PALLD: variants seen among roughly 807,000 people sequenced by gnomAD.
The protein encoded by PALLD is palladin, cytoskeletal associated protein.
A neutral mutation model predicts 123.5 loss-of-function variants in PALLD; 61 were observed. The observed-to-expected ratio is 0.49, with a 90% CI of 0.40 to 0.61. The LOEUF (loss-of-function observed/expected upper bound fraction) is 0.61. Ranked by LOEUF, PALLD falls within the 20% of genes least tolerant of loss-of-function variation. PALLD has a pLI of 0.00. For synonymous variants in PALLD, 465 were observed against 496.4 expected (o/e 0.94, Z 0.84); for missense variants, 1,273 against 1,377.0 (o/e 0.92, Z 1.20).
intron 10 of PALLD, among the ~76,000 whole-genome samples, chr4:168,715,794 C>T (rs1020203119): frequency 1.3e-5 from 2 of 152,034 alleles, no homozygotes; most frequent in Non-Finnish European, 1.5e-5. Flanking sequence ...TCTAAAGATA[C>T]AAAAAATTAG....
chr4:168,507,235 T>C (rs577564489), intron 1 of PALLD: 2 of 169,678 alleles, frequency 1.2e-5, no homozygotes, highest in East Asian at 1.2e-4. Flanking sequence ...AGTCATCTGG[T>C]TGTTGAGGTG....
chr4:168,776,518 G>A (rs576933669), intron 10 of PALLD, among the ~76,000 whole-genome samples: 2 of 152,240 alleles, frequency 1.3e-5, no homozygotes, highest in South Asian at 4.1e-4. Context: ...TATTGCAATG[G>A]CCAAAGCCTT....
chr4:168,888,219 G>T (rs1753642400), intron 10 of PALLD, among the ~76,000 whole-genome samples: 1 of 152,174 alleles, frequency 6.6e-6, no homozygotes, highest in Non-Finnish European at 1.5e-5. Context: ...ATATCAAAAT[G>T]AGTTTGTAAA....
intron 2 of PALLD, among the ~76,000 whole-genome samples, chr4:168,542,947 C>G (rs1765784811): frequency 6.6e-6 from 1 of 151,704 alleles, no homozygotes; most frequent in Non-Finnish European, 1.5e-5. Flanking sequence ...CCTGGCTCCT[C>G]AGACCTCTGC....
intron 10 of PALLD, among the ~76,000 whole-genome samples, chr4:168,768,001 G>A (rs578177343): frequency 3.5e-4 from 54 of 152,180 alleles, no homozygotes; most frequent in African/African-American, 1.3e-3. Flanking sequence ...CTCCCTGTAA[G>A]CTCCTAGAAT....
Position 168,572,895 on chromosome 4 carries a change from C to CCAA in PALLD, c.908+60488_908+60490dup, listed in dbSNP as rs147801262. Reference sequence around the variant, plus strand: ...TAAATCTGATCCAGACATCAGCCTGCCAACAACCCACCAGCACAGGTGGTT... The same window carrying CCAA: ...TAAATCTGATCCAGACATCAGCCTGCCAACAACAACCCACCAGCACAGGTGGTT... On this transcript the variant is annotated intron_variant, in intron 2 of 21. Coordinates refer to ENST00000505667, the MANE Select transcript of PALLD (RefSeq NM_001166108.2). Among the ~76,000 whole-genome samples the CCAA allele has an allele frequency of 9.8e-4, 147 of 149,950 alleles. No individual in the cohort carries two copies. The East Asian group carries it at 0.014, about 15-fold the overall frequency.
intron 18 of PALLD, among the ~76,000 whole-genome samples, chr4:168,923,633 T>C (rs1415817187): frequency 1.3e-5 from 2 of 152,180 alleles, no homozygotes; most frequent in Non-Finnish European, 2.9e-5. Context: ...ATAAAGCTTT[T>C]TTATAACCTT....
chr4:168,752,064 A>T (rs1731133022), intron 10 of PALLD, among the ~76,000 whole-genome samples: 1 of 152,222 alleles, frequency 6.6e-6, no homozygotes, highest in Non-Finnish European at 1.5e-5. Context: ...AATTCACAAG[A>T]TCAGGCTCAA....
At chr4:168,795,758 G>T (rs1738404698) in intron 10 of PALLD, among the ~76,000 whole-genome samples, 2 of 150,654 alleles carry the variant, frequency 1.3e-5, no homozygotes, top group Admixed American at 6.6e-5. Context: ...CCCAGGCTGG[G>T]GTGCAGTTGT....
chr4:168,636,397 A>G (rs1406693260), intron 2 of PALLD, among the ~76,000 whole-genome samples: 1 of 152,200 alleles, frequency 6.6e-6, no homozygotes, highest in East Asian at 1.9e-4. Flanking sequence ...AGGCGAGAAG[A>G]TCGCTTGAGC....
intron 2 of PALLD, among the ~76,000 whole-genome samples, chr4:168,589,504 T>C (rs1391772149): frequency 6.8e-6 from 1 of 148,032 alleles, no homozygotes; most frequent in Admixed American, 6.8e-5. Flanking sequence ...AAATCTTTCC[T>C]GGGATAACCC....
rs561315607 is a variant in PALLD, at chr4:168,617,475, A to G, written c.909-50715A>G. On this transcript the variant is annotated intron_variant, in intron 2 of 21. Coordinates refer to ENST00000505667, the MANE Select transcript of PALLD (RefSeq NM_001166108.2). ...ATGCTTGCAGATTCACAGCCTTTGC[A>G]GCTCCTGGGTCACCAGAACAAGACT... 2.0e-5 allele frequency among the ~76,000 whole-genome samples: 3 copies of G among 152,318 alleles called. No homozygotes were observed. In the South Asian group the frequency reaches 6.2e-4, roughly 32 times the overall value.
intron 10 of PALLD, among the ~76,000 whole-genome samples, chr4:168,765,300 G>A (rs575286932): frequency 6.6e-6 from 1 of 152,322 alleles, no homozygotes; most frequent in South Asian, 2.1e-4. Context: ...AAGAAGAGGA[G>A]AAAATTGCTA....
Position 168,603,516 on chromosome 4 carries a change from A to T in PALLD, c.909-64674A>T, listed in dbSNP as rs539350567. 7.2e-3 allele frequency among the ~76,000 whole-genome samples: 1,104 copies of T among 152,290 alleles called. 11 individuals are homozygous for T. The highest frequency in any genetic ancestry group is 0.025 in the African/African-American group (1,039 of 41,562). ...CATTTAATAACTTCAGGAAAGACCT[A>T]TTTTTCAAAATTCAGAAAAGTACAG... On this transcript the variant is annotated intron_variant, in intron 2 of 21. Coordinates refer to ENST00000505667, the MANE Select transcript of PALLD (RefSeq NM_001166108.2).
At chr4:168,728,687 C>G (rs537304678) in intron 10 of PALLD, among the ~76,000 whole-genome samples, 1 of 151,950 alleles carries the variant, frequency 6.6e-6, no homozygotes, top group Non-Finnish European at 1.5e-5. Flanking sequence ...TTTTGGATGC[C>G]TTTTATTTCG....
chr4:168,873,767 CACTA>C (rs1751386783), intron 10 of PALLD, among the ~76,000 whole-genome samples: 1 of 152,236 alleles, frequency 6.6e-6, no homozygotes, highest in African/African-American at 2.4e-5. Flanking sequence ...TACTTGACCT[CACTA>C]ACTGATGGTG....
At chr4:168,881,736 TA>T (rs1172403825) in intron 10 of PALLD, among the ~76,000 whole-genome samples, 2 of 152,122 alleles carry the variant, frequency 1.3e-5, no homozygotes, top group African/African-American at 4.8e-5. Context: ...TGCACTTTTA[TA>T]AAATTAATGT....
chr4:168,639,836 G>A (rs1343805318), intron 2 of PALLD, among the ~76,000 whole-genome samples: 2 of 152,166 alleles, frequency 1.3e-5, no homozygotes, highest in Non-Finnish European at 2.9e-5. Flanking sequence ...GAGCCACCGT[G>A]CCCGGCCTGC....
intron 2 of PALLD, among the ~76,000 whole-genome samples, chr4:168,658,285 G>GT (rs66527351): frequency 0.019 from 2,496 of 131,558 alleles, 55 homozygotes; most frequent in East Asian, 0.045. Flanking sequence ...TTTTTATTTG[G>GT]TTTTTTTTTT....
Sources: allele counts gnomAD v4.1 joint callset (sites outside exome capture counted in the v4.1 genomes callset), GRCh38; gene constraint gnomAD v4.1.1; transcripts MANE v1.5; gene names NCBI Gene and HGNC (gene_info 2026-07-23, HGNC 2026-07-21).